Variants in DLG2 observed in about 807,000 individuals in gnomAD.
DLG2 encodes the protein discs large MAGUK scaffold protein 2.
Under a neutral mutation model 132.5 loss-of-function variants are expected in DLG2, and 45 were observed. The observed-to-expected ratio is 0.34, with a 90% CI of 0.27 to 0.44. The LOEUF (loss-of-function observed/expected upper bound fraction) is 0.44. DLG2 is among the 20% of genes least tolerant of loss of function. The probability of loss-of-function intolerance (pLI) is 1.00; values close to 1 mark genes in which losing one functional copy is unlikely to be tolerated. For missense variants in DLG2, 1,045 were observed against 1,196.9 expected (o/e 0.87, Z 1.87); for synonymous variants, 424 against 419.6 (o/e 1.01, Z -0.13).
chr11:84,309,676 A>G (rs1419767517), intron 7 of DLG2, among the ~76,000 whole-genome samples: 1 of 152,230 alleles, frequency 6.6e-6, no homozygotes, highest in Non-Finnish European at 1.5e-5. Flanking sequence ...CACTTGTAAG[A>G]GATCAAATAA....
chr11:85,166,374 A>G (rs973158362), intron 4 of DLG2, among the ~76,000 whole-genome samples: 1 of 152,152 alleles, frequency 6.6e-6, no homozygotes, highest in Admixed American at 6.6e-5. Flanking sequence ...TCCTCTAAAA[A>G]ATCACACTGG....
intron 18 of DLG2, among the ~76,000 whole-genome samples, chr11:83,676,823 T>C (rs1371216313): frequency 6.6e-6 from 1 of 152,152 alleles, no homozygotes; most frequent in South Asian, 2.1e-4. Flanking sequence ...TAAGGGCCCA[T>C]TTATCCATGT....
At chr11:83,571,275 G>A (rs1007770974) in intron 19 of DLG2, among the ~76,000 whole-genome samples, 5 of 151,752 alleles carry the variant, frequency 3.3e-5, no homozygotes, top group Admixed American at 6.6e-5. Flanking sequence ...TTTAACAAAT[G>A]TTTATTAAAT....
intron 4 of DLG2, among the ~76,000 whole-genome samples, chr11:85,196,650 T>C (rs1467168242): frequency 1.3e-5 from 2 of 152,240 alleles, no homozygotes; most frequent in Admixed American, 6.5e-5. Context: ...ACCAGGGTTG[T>C]TTCTCCAGAG....
chr11:83,790,336 G>A lies in DLG2; in HGVS notation c.1723-3544C>T, dbSNP rs2041203498. 2.3e-6 allele frequency: 2 copies of A among 875,656 alleles called. 1 individual carries two copies. The highest frequency in any genetic ancestry group is 3.8e-5 in the Admixed American group (2 of 52,410). The allele number at this position is 875,656 out of a possible 1,614,324, so 54.2% of individuals were successfully genotyped here. ...GAAAGCTCAAGCTTAAAAGGTAACA[G>A]TCTTCAGAACTGTCCCAATCAAGGA... On this transcript the variant is annotated intron_variant, in intron 17 of 27. Transcript: ENST00000376104.
intron 6 of DLG2, among the ~76,000 whole-genome samples, chr11:84,783,757 T>G (rs1160488677): frequency 6.6e-6 from 1 of 152,148 alleles, no homozygotes; most frequent in Non-Finnish European, 1.5e-5. Flanking sequence ...AATTAAAGGT[T>G]TTTGATTCCT....
rs571561334 is a variant in DLG2 at position 83,459,678 on chromosome 11, T to G, written c.*140A>C. On this transcript the variant is annotated 3_prime_UTR_variant, in exon 28 of 28. Coordinates refer to ENST00000376104, the MANE Select transcript of DLG2 (RefSeq NM_001142699.3). ...GTTTCCTTCATGGCTTCATACAGTTTGTGTTGTACATTCGTAAGAATTCAC... is the reference window on the plus strand; with the variant it reads ...GTTTCCTTCATGGCTTCATACAGTTGGTGTTGTACATTCGTAAGAATTCAC... 207 of 589,226 alleles carry G rather than the reference T, an allele frequency of 3.5e-4. No individual in the cohort carries two copies. The South Asian group carries it at 4.5e-3, about 13-fold the overall frequency. The allele number at this position is 589,226 out of a possible 1,614,324, so 36.5% of individuals were successfully genotyped here. A position where few individuals can be genotyped will look rare whatever the true frequency, so the allele number is the denominator to read the frequency against.
chr11:84,063,778 C>T (rs1161990525), intron 10 of DLG2, among the ~76,000 whole-genome samples: 1 of 152,124 alleles, frequency 6.6e-6, no homozygotes, highest in Non-Finnish European at 1.5e-5. Flanking sequence ...GAATACTGTG[C>T]AGCCATAAAA....
chr11:83,876,091 C>T lies in DLG2; in HGVS notation c.1497-1603G>A, dbSNP rs7940786. Among the ~76,000 whole-genome samples, 1,512 of 152,252 alleles carry T rather than the reference C, an allele frequency of 9.9e-3. 22 individuals are homozygous for T. Among genetic ancestry groups the T allele is most frequent in the African/African-American group, 0.033 (1,373 of 41,550 alleles). ...ATGTAGCCAGACTGCCTGGCTCAAC[C>T]ACATATACCAATGTAACCTTGTATA... On this transcript the variant is annotated intron_variant, in intron 15 of 27. Coordinates refer to ENST00000376104, the MANE Select transcript of DLG2 (RefSeq NM_001142699.3).
At chr11:85,422,129 T>A (rs934431384) in intron 3 of DLG2, among the ~76,000 whole-genome samples, 3 of 152,206 alleles carry the variant, frequency 2.0e-5, no homozygotes, top group Admixed American at 1.3e-4. Context: ...CTTTCCTTCA[T>A]CTTAACTTTA....
intron 11 of DLG2, among the ~76,000 whole-genome samples, chr11:83,983,222 T>C (rs1284564074): frequency 2.6e-5 from 4 of 152,148 alleles, no homozygotes; most frequent in Non-Finnish European, 4.4e-5. Context: ...AGTACAATAC[T>C]TGCAGCATAC....
chr11:84,977,139 G>A lies in DLG2; in HGVS notation c.357+134522C>T, dbSNP rs193115851. ...AGAAGTTGATCCCAGTCACTCCAAGGGGTGTATGCTGATTAGTCTGCCTAT... is the reference window on the plus strand; with the variant it reads ...AGAAGTTGATCCCAGTCACTCCAAGAGGTGTATGCTGATTAGTCTGCCTAT... On this transcript the variant is annotated intron_variant, in intron 6 of 27. Transcript: ENST00000376104. 3.9e-3 allele frequency among the ~76,000 whole-genome samples: 599 copies of A among 152,204 alleles called. 2 individuals carry two copies. The highest frequency in any genetic ancestry group is 6.7e-3 in the Non-Finnish European group (457 of 68,004).
At chr11:84,046,542 A>C (rs892939767) in intron 11 of DLG2, among the ~76,000 whole-genome samples, 1 of 151,558 alleles carries the variant, frequency 6.6e-6, no homozygotes, top group Admixed American at 6.6e-5. Context: ...TGAACAAATC[A>C]TATGTATATA....
chr11:84,793,236 A>G (rs2074121850), intron 6 of DLG2, among the ~76,000 whole-genome samples: 1 of 152,020 alleles, frequency 6.6e-6, no homozygotes, highest in Admixed American at 6.5e-5. Context: ...TCGTCCTTTG[A>G]TTTCTAGTTT....
At position 84,492,314 on chromosome 11, in the gene DLG2, G is replaced by C. The variant is rs1283674199; in HGVS notation, c.519+42256C>G. On this transcript the variant is annotated intron_variant, in intron 7 of 27. Transcript: ENST00000376104. The stretch of plus-strand genomic sequence containing the variant: ...ATTCAAGTATATGTGGAATAATCAA[G>C]ACAAGCTTCTAATCAGTCCAAGCAA... Among the ~76,000 whole-genome samples the C allele has an allele frequency of 2.6e-5, 4 of 152,132 alleles. No homozygotes were observed. In the South Asian group the frequency reaches 8.3e-4, roughly 31 times the overall value.
At chr11:84,038,089 T>C (rs1352284224) in intron 11 of DLG2, among the ~76,000 whole-genome samples, 2 of 151,978 alleles carry the variant, frequency 1.3e-5, no homozygotes, top group Non-Finnish European at 2.9e-5. Context: ...ATAGTGCCCA[T>C]TAGTTATTTT....
chr11:85,239,524 T>C (rs2075769468), intron 4 of DLG2, among the ~76,000 whole-genome samples: 1 of 152,040 alleles, frequency 6.6e-6, no homozygotes. Context: ...TTATCACAAA[T>C]CTCAAATAAT....
chr11:85,402,260 A>G (rs1354663212), intron 3 of DLG2, among the ~76,000 whole-genome samples: 3 of 152,222 alleles, frequency 2.0e-5, no homozygotes, highest in Admixed American at 6.5e-5. Flanking sequence ...TCTATTTAAT[A>G]AATAGTGCTG....
rs558027235 is a variant in DLG2 at position 83,952,772 on chromosome 11, A to T, written c.1340+10113T>A. On this transcript the variant is annotated intron_variant, in intron 14 of 27. Coordinates refer to ENST00000376104, the MANE Select transcript of DLG2 (RefSeq NM_001142699.3). ...ACAGACATGGAAAAAACTCAAAGGA[A>T]AATATTTCAAGTAATTATCTCTCTG... Among the ~76,000 whole-genome samples the T allele has an allele frequency of 4.6e-3, 701 of 152,292 alleles. 8 individuals carry two copies. Among genetic ancestry groups the T allele is most frequent in the South Asian group, 0.029 (140 of 4,828 alleles).
Sources: gnomAD v4.1 joint callset for allele counts (sites outside exome capture counted in the v4.1 genomes callset) on GRCh38, gnomAD v4.1.1 for gene constraint, MANE v1.5 for transcripts, NCBI Gene and HGNC (gene_info 2026-07-23, HGNC 2026-07-21) for gene names.